The following PIK3C2A variants were observed in gnomAD, a reference collection of about 807,000 sequenced individuals.
The protein encoded by PIK3C2A is phosphatidylinositol 4-phosphate 3-kinase C2 domain-containing subunit alpha.
A neutral mutation model predicts 204.5 loss-of-function variants in PIK3C2A; 97 were observed. The ratio of observed to expected loss-of-function variants is 0.47; its 90% CI spans 0.40 to 0.56. The LOEUF (loss-of-function observed/expected upper bound fraction) is 0.56, where lower values mean the gene tolerates loss of function less well. Ranked by LOEUF, PIK3C2A falls within the 20% of genes least tolerant of loss-of-function variation. PIK3C2A has a pLI of 0.00. For missense variants in PIK3C2A, 1,735 were observed against 1,969.2 expected, an observed-to-expected ratio of 0.88 and a Z score of 2.25; for synonymous variants, 653 against 664.4, an observed-to-expected ratio of 0.98 and a Z score of 0.26.
At chr11:17,110,689 C>CT in intron 21 of PIK3C2A, 128 bp from the exon 22 acceptor site, 3 of 698,312 alleles carry the variant, frequency 4.3e-6, no homozygotes, top group Non-Finnish European at 6.8e-6. Context: ...GTCAGGAGTT[C>CT]GAGATCAGCC....
intron 11 of PIK3C2A, 108 bp downstream of exon 11, chr11:17,134,711 G>T: frequency 1.2e-6 from 1 of 800,890 alleles, no homozygotes; most frequent in Non-Finnish European, 2.1e-6. Context: ...TCATTGCCAA[G>T]GCTGGTCTCC....
intron 6 of PIK3C2A, among the ~76,000 whole-genome samples, chr11:17,146,567 A>C (rs1850251021): frequency 6.6e-6 from 1 of 151,922 alleles, no homozygotes; most frequent in South Asian, 2.1e-4. Flanking sequence ...ACAAAAAAAA[A>C]AAAATTAGCT....
At chr11:17,137,762 C>T (rs1330262044) in intron 8 of PIK3C2A, among the ~76,000 whole-genome samples, 1 of 152,040 alleles carries the variant, frequency 6.6e-6, no homozygotes, top group Admixed American at 6.6e-5. Context: ...GTTCCAAATC[C>T]ACCCTTCCTC....
intron 20 of PIK3C2A, among the ~76,000 whole-genome samples, chr11:17,113,957 G>A (rs1463866382): frequency 2.7e-5 from 4 of 150,896 alleles, no homozygotes; most frequent in African/African-American, 4.9e-5. Context: ...GCGTGTGCCT[G>A]TAGTCCCAGC....
At position 17,117,583 on chromosome 11, in the gene PIK3C2A, G is replaced by A. The variant is rs768258497; in HGVS notation, c.3124C>T (p.Leu1042Phe). The A allele has an allele frequency of 2.2e-5, 35 of 1,613,070 alleles. No individual in the cohort carries two copies. The South Asian group carries it at 3.7e-4, about 17-fold the overall frequency. The change falls in exon 19 of 33, where the codon CTT becomes TTT. Residue 1042 changes from leucine to phenylalanine, a missense_variant. By Grantham distance (22) the Leu-to-Phe change is conservative. This residue lies in a region of PIK3C2A where 567 missense variants were observed against 576.0 expected (regional missense o/e 0.98). Coordinates refer to ENST00000691414, the MANE Select transcript of PIK3C2A (RefSeq NM_002645.4). ...GALLSVGGKR[L>F]REELLKQTKL... ...GTCTGTTTTAGAAGTTCTTCTCTAA[G>A]TCGTTTTCCTCCTACTGACAGGAGA...
At chr11:17,171,513 A>T (rs547570288) in intron 1 of PIK3C2A, among the ~76,000 whole-genome samples, 82 of 152,090 alleles carry the variant, frequency 5.4e-4, no homozygotes, top group African/African-American at 1.2e-3. Context: ...AAAAAAAAAA[A>T]TTTTTACTAA....
At chr11:17,102,908 T>C in intron 23 of PIK3C2A, 77 bp from the exon 24 acceptor site, 9 of 876,256 alleles carry the variant, frequency 1.0e-5, no homozygotes, top group Non-Finnish European at 1.4e-5. Flanking sequence ...AGTAAAGTAA[T>C]TTATCACTCT....
At chr11:17,092,136 T>C in intron 29 of PIK3C2A, 23 bp downstream of exon 29, 1 of 1,474,642 alleles carries the variant, frequency 6.8e-7, no homozygotes, top group East Asian at 2.3e-5. Flanking sequence ...AAGATGTTAT[T>C]ACTTCTCATT....
In PIK3C2A at chr11:17,150,690, T is replaced by A. The variant is rs762683415; in HGVS notation, c.1170-35A>T. 12 of 1,504,550 alleles carry A rather than the reference T, an allele frequency of 8.0e-6. No individual in the cohort carries two copies. In the East Asian group the frequency reaches 9.5e-5, roughly 12 times the overall value. 93.2% of individuals were successfully genotyped at this position (1,504,550 alleles called of 1,614,324 possible). A position where few individuals can be genotyped will look rare whatever the true frequency, so the allele number is the denominator to read the frequency against. ...AGAAAGAAGAAATTAAATTCTTTTT[T>A]AAAAAAACTTCATTTGAGGGCTCTG... On this transcript the variant is annotated intron_variant, in intron 3 of 32. Coordinates refer to ENST00000691414, the MANE Select transcript of PIK3C2A (RefSeq NM_002645.4).
chr11:17,170,021 C>T (rs1178923773), intron 1 of PIK3C2A, among the ~76,000 whole-genome samples: 2 of 152,164 alleles, frequency 1.3e-5, no homozygotes, highest in Admixed American at 6.6e-5. Flanking sequence ...TTACTTTAAC[C>T]CCATTTCCTG....
At chr11:17,116,814 C>G (rs1447296025) in intron 19 of PIK3C2A, among the ~76,000 whole-genome samples, 1 of 152,138 alleles carries the variant, frequency 6.6e-6, no homozygotes, top group African/African-American at 2.4e-5. Flanking sequence ...TGGTCTCGAT[C>G]TCCTGACCTC....
Position 17,110,357 on chromosome 11 carries a change from A to G in PIK3C2A, c.3544+75T>C, listed in dbSNP as rs1848957883. The G allele has an allele frequency of 2.9e-6, 3 of 1,040,808 alleles. No homozygotes were observed. In the Admixed American group the frequency reaches 7.0e-5, roughly 24 times the overall value. The allele number at this position is 1,040,808 out of a possible 1,614,324, so 64.5% of individuals were successfully genotyped here. On this transcript the variant is annotated intron_variant, in intron 22 of 32. Transcript: ENST00000691414. ...GTGATACCAGGGTATCTGCATCAGG[A>G]TGTTTACGGCAGGTACACTTTAAGC...
At chr11:17,135,059 T>G (rs761835857) in intron 10 of PIK3C2A, 30 bp from the exon 11 acceptor site, 3 of 1,611,944 alleles carry the variant, frequency 1.9e-6, no homozygotes, top group South Asian at 1.1e-5. Context: ...AGTTAATAGA[T>G]TCTCTGAAAA....
intron 28 of PIK3C2A, among the ~76,000 whole-genome samples, chr11:17,093,544 G>A (rs1184380051): frequency 6.6e-6 from 1 of 151,632 alleles, no homozygotes; most frequent in Non-Finnish European, 1.5e-5. Flanking sequence ...GATTATAGGT[G>A]TGAGCCACCG....
intron 8 of PIK3C2A, among the ~76,000 whole-genome samples, chr11:17,139,208 C>A (rs529981416): frequency 6.6e-6 from 1 of 151,240 alleles, no homozygotes; most frequent in African/African-American, 2.4e-5. Context: ...CCACCACGCC[C>A]GGCCTAATGA....
chr11:17,115,372 GAAAAAAAAAA>G (rs58726258), intron 19 of PIK3C2A, among the ~76,000 whole-genome samples: 1 of 84,646 alleles, frequency 1.2e-5, no homozygotes, highest in South Asian at 4.3e-4. Context: ...GTCCCTACAA[GAAAAAAAAAA>G]AAAAAAAAAA....
Position 17,150,603 on chromosome 11 carries a change from A to C in PIK3C2A, c.1222T>G (p.Leu408Val). Residue 408 changes from leucine (L) to valine (V), a missense_variant, in exon 4 of 33, where the codon TTA becomes GTA. Around this residue, in one of 6 missense-constraint regions of PIK3C2A, gnomAD observed 536 missense variants for 546.7 expected, o/e 0.98. Transcript: ENST00000691414. The part of the protein sequence containing the change: ...TNHRTNPGYL[L>V]SPVTAQRNIC... Reference sequence around the variant, plus strand: ...TTTCTTTGTGCTGTGACTGGACTTAACAAATAGCCTGGGTTTGTGCGGTGA... The same window carrying C: ...TTTCTTTGTGCTGTGACTGGACTTACCAAATAGCCTGGGTTTGTGCGGTGA... 1 of 1,611,816 alleles carries C rather than the reference A, an allele frequency of 6.2e-7. No homozygotes were observed. Among genetic ancestry groups the C allele is most frequent in the South Asian group, 1.1e-5 (1 of 90,894 alleles).
In PIK3C2A at chr11:17,092,143, C is replaced by T; in HGVS notation, c.4569+16G>A. On this transcript the variant is annotated intron_variant, in intron 29 of 32. Coordinates refer to ENST00000691414, the MANE Select transcript of PIK3C2A (RefSeq NM_002645.4). ...AAAGGTATAAGATGTTATTACTTCT[C>T]ATTTAGTAAGGTTACCTCTGCTACA... is the stretch of plus-strand genomic sequence containing the variant. 6.7e-7 allele frequency: 1 copy of T among 1,493,600 alleles called. No individual in the cohort carries two copies. The highest frequency in any genetic ancestry group is 9.3e-7 in the Non-Finnish European group (1 of 1,070,434). The allele number at this position is 1,493,600 out of a possible 1,614,324, so 92.5% of individuals were successfully genotyped here. A position where few individuals can be genotyped will look rare whatever the true frequency, so the allele number is the denominator to read the frequency against.
chr11:17,183,356 T>C (rs1035488414), intron 1 of PIK3C2A, among the ~76,000 whole-genome samples: 1 of 152,188 alleles, frequency 6.6e-6, no homozygotes, highest in African/African-American at 2.4e-5. Flanking sequence ...CTTATTGTTA[T>C]TCTCTTACTG....
Sources: gnomAD v4.1 joint callset for allele counts (sites outside exome capture counted in the v4.1 genomes callset) on GRCh38, gnomAD v4.1.1 for gene constraint, gnomAD v4.1.1 regional missense constraint, MANE v1.5 for transcripts, NCBI Gene and HGNC (gene_info 2026-07-23, HGNC 2026-07-21) for gene names.